LRP1B: variants seen among roughly 807,000 people sequenced by gnomAD.
LRP1B encodes the protein LDL receptor related protein 1B, also known as low-density lipoprotein receptor-related protein 1B.
LRP1B carries 217 observed loss-of-function variants against 556.6 expected under a neutral mutation model. That is an observed-to-expected ratio of 0.39 (90% CI 0.35 to 0.44). The LOEUF is 0.44. LRP1B is among the 20% of genes least tolerant of loss of function. The pLI is 1.00. For missense variants in LRP1B, 5,053 were observed against 5,620.8 expected, an observed-to-expected ratio of 0.90 and a Z score of 3.23; for synonymous variants, 2,047 against 1,865.8, an observed-to-expected ratio of 1.10 and a Z score of -2.50.
intron 88 of LRP1B, 50 bp downstream of exon 88, chr2:140,239,392 T>C (rs1223408887): frequency 1.9e-5 from 22 of 1,142,122 alleles, no homozygotes; most frequent in Non-Finnish European, 2.4e-5. Flanking sequence ...TTTCTGCACC[T>C]AGTTGTGTGA....
chr2:141,817,195 T>G (rs1696588104), intron 1 of LRP1B, among the ~76,000 whole-genome samples: 1 of 152,214 alleles, frequency 6.6e-6, no homozygotes, highest in African/African-American at 2.4e-5. Flanking sequence ...CAGATTAATC[T>G]TATTTTAAAT....
intron 3 of LRP1B, among the ~76,000 whole-genome samples, chr2:141,438,199 G>A (rs990134415): frequency 5.9e-5 from 9 of 152,100 alleles, no homozygotes; most frequent in African/African-American, 2.2e-4. Context: ...TGCTTAAGTT[G>A]ATTACGGAGT....
chr2:141,471,328 T>C (rs1050255771), intron 3 of LRP1B, among the ~76,000 whole-genome samples: 10 of 151,024 alleles, frequency 6.6e-5, no homozygotes, highest in African/African-American at 2.4e-4. Flanking sequence ...ATGAAATGCA[T>C]TTTAGATAAG....
intron 1 of LRP1B, among the ~76,000 whole-genome samples, chr2:141,966,133 T>C (rs1701559807): frequency 6.6e-6 from 1 of 151,892 alleles, no homozygotes; most frequent in African/African-American, 2.4e-5. Flanking sequence ...AGGCTTATAT[T>C]CATCATTTCA....
intron 4 of LRP1B, among the ~76,000 whole-genome samples, chr2:141,253,689 T>A (rs1455591279): frequency 6.6e-6 from 1 of 152,136 alleles, no homozygotes; most frequent in Admixed American, 6.6e-5. Flanking sequence ...AGCAAAGATT[T>A]GAAGTAATCA....
intron 20 of LRP1B, among the ~76,000 whole-genome samples, chr2:140,929,928 A>G (rs187372481): frequency 6.6e-6 from 1 of 152,066 alleles, no homozygotes; most frequent in Non-Finnish European, 1.5e-5. Flanking sequence ...CAGAAAACAG[A>G]AAAAAGTCAT....
chr2:140,856,252 G>A (rs1692614318), intron 27 of LRP1B, among the ~76,000 whole-genome samples: 1 of 152,078 alleles, frequency 6.6e-6, no homozygotes, highest in African/African-American at 2.4e-5. Flanking sequence ...TTCATCATCA[G>A]TATCTTTACA....
At chr2:142,021,106 C>T (rs1703314827) in intron 1 of LRP1B, among the ~76,000 whole-genome samples, 1 of 152,136 alleles carries the variant, frequency 6.6e-6, no homozygotes, top group Non-Finnish European at 1.5e-5. Context: ...GAGAAGAAAA[C>T]ATATGTTCTC....
intron 2 of LRP1B, among the ~76,000 whole-genome samples, chr2:141,518,955 A>T (rs112524685): frequency 0.031 from 4,731 of 152,058 alleles, 268 homozygotes; most frequent in African/African-American, 0.11. Context: ...CTTCTCAAAA[A>T]AATAAAAATA....
rs2105021128 is a variant in LRP1B, at chr2:140,541,949, C to T, written c.7217G>A (p.Gly2406Glu). 1 of 1,604,902 alleles carries T rather than the reference C, an allele frequency of 6.2e-7. No homozygotes were observed. The highest frequency in any genetic ancestry group is 8.5e-7 in the Non-Finnish European group (1 of 1,174,224). ...ATAAACAGCCAAACTGAGGAAAGTC[C>T]CTGGCCCAGATTTAACTATCACCTG... is the stretch of plus-strand genomic sequence containing the variant. ...QRHVIVKSGP[G>E]TFLSLAVYDN... Residue 2406 changes from glycine to glutamate, a missense_variant, in exon 44 of 91, where the codon GGG (glycine) becomes GAG (glutamate). By Grantham distance (98) the Gly-to-Glu change is moderately conservative. Coordinates refer to ENST00000389484, the MANE Select transcript of LRP1B (RefSeq NM_018557.3).
At chr2:140,541,716 T>A (rs528684321) in intron 44 of LRP1B, 63 bp downstream of exon 44, 2 of 1,238,912 alleles carry the variant, frequency 1.6e-6, no homozygotes, top group Non-Finnish European at 2.2e-6. Flanking sequence ...AAAACATATA[T>A]ACATTTTTAG....
intron 3 of LRP1B, among the ~76,000 whole-genome samples, chr2:141,322,178 G>A (rs1050375555): frequency 1.3e-5 from 2 of 152,066 alleles, no homozygotes; most frequent in Non-Finnish European, 2.9e-5. Context: ...CTTTGAGGCT[G>A]AGCCCTGAGT....
At position 141,020,059 on chromosome 2, in the gene LRP1B, A is replaced by G; in HGVS notation, c.1833T>C (p.Asn611=). 6.2e-7 allele frequency: 1 copy of G among 1,611,120 alleles called. No individual in the cohort carries two copies. Among genetic ancestry groups the G allele is most frequent in the Non-Finnish European group, 8.5e-7 (1 of 1,178,108 alleles). The change falls in exon 12 of 91, where the codon AAT becomes AAC. Residue 611 remains asparagine, a synonymous_variant. Transcript: ENST00000389484. ...VEGIAVDWIG[N]NLYWTNDGHR... is the part of the protein sequence containing the mutation. ...GGCCATCATTGGTCCAGTAAAGATTATTTCCAATCCAGTCCACAGCAATGC... is the reference window on the plus strand; with the variant it reads ...GGCCATCATTGGTCCAGTAAAGATTGTTTCCAATCCAGTCCACAGCAATGC...
At chr2:140,784,011 A>T (rs1334271530) in intron 32 of LRP1B, among the ~76,000 whole-genome samples, 1 of 152,308 alleles carries the variant, frequency 6.6e-6, no homozygotes, top group South Asian at 2.1e-4. Context: ...ATTTATGAAA[A>T]GTTCTCAGGT....
chr2:142,125,830 C>T (rs1707626168), intron 1 of LRP1B, among the ~76,000 whole-genome samples: 1 of 151,804 alleles, frequency 6.6e-6, no homozygotes, highest in Non-Finnish European at 1.5e-5. Context: ...CCCTACTCTC[C>T]CCCCTCCTCT....
rs10522926 is a variant in LRP1B at position 141,691,465 on chromosome 2, A to AACACACACACACACACACACAC, written c.205+118813_205+118814insGTGTGTGTGTGTGTGTGTGTGT. Among the ~76,000 whole-genome samples the AACACACACACACACACACACAC allele has an allele frequency of 8.6e-3, 1,147 of 133,216 alleles. 20 individuals are homozygous for AACACACACACACACACACACAC. The highest frequency in any genetic ancestry group is 0.019 in the South Asian group (71 of 3,794). 87.4% of individuals were successfully genotyped at this position (133,216 alleles called of 152,430 possible). A position where few individuals can be genotyped will look rare whatever the true frequency, so the allele number is the denominator to read the frequency against. Reference sequence around the variant, plus strand: ...AAAAAAGTTGGCCAGGTAATCAGCCAACACACACACACACACACACGTTGC... The same window carrying AACACACACACACACACACACAC: ...AAAAAAGTTGGCCAGGTAATCAGCCAACACACACACACACACACACACACACACACACACACACACACGTTGC... On this transcript the variant is annotated intron_variant, in intron 2 of 90. Coordinates refer to ENST00000389484, the MANE Select transcript of LRP1B (RefSeq NM_018557.3).
intron 2 of LRP1B, among the ~76,000 whole-genome samples, chr2:141,572,631 C>G (rs1368438838): frequency 6.6e-6 from 1 of 152,144 alleles, no homozygotes; most frequent in Non-Finnish European, 1.5e-5. Context: ...AAGACACAGA[C>G]TGGCAAATTG....
chr2:142,125,522 AT>A lies in LRP1B; in HGVS notation c.82+5125del, dbSNP rs549462466. ...AAACCAACTTTTAAAAACTCAAATT[AT>A]TTTTAGAGATATTTTCATTTTTTGT... is the stretch of plus-strand genomic sequence containing the variant. On this transcript the variant is annotated intron_variant, in intron 1 of 90. Coordinates refer to ENST00000389484, the MANE Select transcript of LRP1B (RefSeq NM_018557.3). Among the ~76,000 whole-genome samples, 220 of 151,956 alleles carry A rather than the reference AT, an allele frequency of 1.4e-3. 2 individuals are homozygous for A. Among genetic ancestry groups the A allele is most frequent in the Non-Finnish European group, 2.4e-3 (161 of 67,742 alleles).
intron 20 of LRP1B, among the ~76,000 whole-genome samples, chr2:140,943,899 A>G (rs1695470375): frequency 6.6e-6 from 1 of 152,114 alleles, no homozygotes; most frequent in Admixed American, 6.6e-5. Context: ...AGGCTAGCAG[A>G]AGAAAAGAAA....
Sources: allele counts gnomAD v4.1 joint callset (sites outside exome capture counted in the v4.1 genomes callset), GRCh38; gene constraint gnomAD v4.1.1; transcripts MANE v1.5; gene names NCBI Gene and HGNC (gene_info 2026-07-23, HGNC 2026-07-21).